Variants in ZNF618 observed in about 807,000 individuals in gnomAD.
The protein encoded by ZNF618 is zinc finger protein 618.
Under a neutral mutation model 103.0 loss-of-function variants are expected in ZNF618, and 34 were observed. The observed-to-expected ratio is 0.33, with a 90% CI of 0.25 to 0.44. ZNF618 has a LOEUF of 0.44. Ranked by LOEUF, ZNF618 falls within the 20% of genes least tolerant of loss-of-function variation. The pLI, the probability that ZNF618 is intolerant of heterozygous loss-of-function variation, is 1.00. For missense variants in ZNF618, 1,059 were observed against 1,295.4 expected, an observed-to-expected ratio of 0.82 and a Z score of 2.80; for synonymous variants, 551 against 542.2, an observed-to-expected ratio of 1.02 and a Z score of -0.23.
chr9:113,930,174 G>A (rs556497744), intron 1 of ZNF618, among the ~76,000 whole-genome samples: 2 of 152,236 alleles, frequency 1.3e-5, no homozygotes, highest in South Asian at 4.1e-4. Context: ...AAATTGCCTC[G>A]CTTCTGGAAT....
At chr9:113,948,231 G>A (rs1316599799) in intron 1 of ZNF618, among the ~76,000 whole-genome samples, 1 of 152,196 alleles carries the variant, frequency 6.6e-6, no homozygotes, top group East Asian at 1.9e-4. Context: ...GTCAACCCTG[G>A]ATGGGTAAAA....
At chr9:114,016,196 T>G in intron 9 of ZNF618, 1 of 1,610,540 alleles carries the variant, frequency 6.2e-7, no homozygotes, top group African/African-American at 1.3e-5. Flanking sequence ...CGGGTGGGAC[T>G]TGAGAGGAAG....
chr9:114,053,953 T>C lies in ZNF618; in HGVS notation c.*3786T>C, dbSNP rs1210890979. 1 of 152,312 alleles carries C rather than the reference T, an allele frequency of 6.6e-6. No individual in the cohort carries two copies. Among genetic ancestry groups the C allele is most frequent in the Non-Finnish European group, 1.5e-5 (1 of 68,024 alleles). 9.4% of individuals were successfully genotyped at this position (152,312 alleles called of 1,614,324 possible). ...GATTGGTTTTTGGCTGGAAAAAGGG[T>C]ACCAGGGTTTCCTGGCAAGGACAGG... On this transcript the variant is annotated 3_prime_UTR_variant, in exon 15 of 15. Transcript: ENST00000374126.
intron 1 of ZNF618, among the ~76,000 whole-genome samples, chr9:113,936,313 C>T (rs1834028784): frequency 6.6e-6 from 1 of 152,252 alleles, no homozygotes; most frequent in Non-Finnish European, 1.5e-5. Context: ...AACAAAAAAG[C>T]TACTCCCTGA....
intron 4 of ZNF618, among the ~76,000 whole-genome samples, chr9:114,000,630 C>T (rs1841103060): frequency 6.6e-6 from 1 of 152,186 alleles, no homozygotes; most frequent in African/African-American, 2.4e-5. Flanking sequence ...CTTCAGACTC[C>T]ATATCCAGTG....
intron 1 of ZNF618, among the ~76,000 whole-genome samples, chr9:113,942,640 C>T (rs1834656820): frequency 6.6e-6 from 1 of 152,190 alleles, no homozygotes; most frequent in South Asian, 2.1e-4. Context: ...ATCAGTGCTT[C>T]ATTTTTCCTA....
chr9:114,052,363 C>G lies in ZNF618; in HGVS notation c.*2196C>G, dbSNP rs1846188660. 6.6e-6 allele frequency: 1 copy of G among 152,604 alleles called. No individual in the cohort carries two copies. Among genetic ancestry groups the G allele is most frequent in the African/African-American group, 2.4e-5 (1 of 41,424 alleles). The allele number at this position is 152,604 out of a possible 1,614,324, so 9.5% of individuals were successfully genotyped here. The stretch of plus-strand genomic sequence containing the variant: ...TGCCATTTCCTCTCCTGGAGAAGTT[C>G]TAGGTATTACCTCCACAACATTTCC... On this transcript the variant is annotated 3_prime_UTR_variant, in exon 15 of 15. Transcript: ENST00000374126.
rs561207220 is a variant in ZNF618, at chr9:113,992,625, G to T, written c.337+4045G>T. Among the ~76,000 whole-genome samples the T allele has an allele frequency of 4.5e-4, 69 of 152,262 alleles. 1 individual carries two copies. The highest frequency in any genetic ancestry group is 3.4e-3 in the Middle Eastern group (1 of 294). ...CCAGCCTCGCTCCGGGCTCAGAGAC[G>T]GGCTCTGTTGCTGAGTAGAAGAGTG... On this transcript the variant is annotated intron_variant, in intron 3 of 14. Coordinates refer to ENST00000374126, the MANE Select transcript of ZNF618 (RefSeq NM_001318042.2).
chr9:113,956,488 A>C (rs1836309263), intron 1 of ZNF618, among the ~76,000 whole-genome samples: 1 of 152,122 alleles, frequency 6.6e-6, no homozygotes, highest in South Asian at 2.1e-4. Flanking sequence ...TTGGAACTAC[A>C]ATTCCTTTAT....
chr9:113,876,769 T>G (rs1389500333), intron 1 of ZNF618, among the ~76,000 whole-genome samples: 7 of 90,816 alleles, frequency 7.7e-5, no homozygotes, highest in South Asian at 8.3e-4. Context: ...CTCTGCCCCC[T>G]CCCCCCCAAA....
At chr9:114,018,015 G>T (rs1163636075) in intron 10 of ZNF618, among the ~76,000 whole-genome samples, 1 of 152,172 alleles carries the variant, frequency 6.6e-6, no homozygotes, top group African/African-American at 2.4e-5. Context: ...GTGACCTTGT[G>T]CCTGTTGCTT....
intron 1 of ZNF618, among the ~76,000 whole-genome samples, chr9:113,918,360 T>A (rs1484364945): frequency 6.6e-6 from 1 of 152,314 alleles, no homozygotes; most frequent in African/African-American, 2.4e-5. Flanking sequence ...CATTAATAAG[T>A]GTTTTGTGTG....
At chr9:114,006,168 T>C (rs1356658190) in intron 6 of ZNF618, among the ~76,000 whole-genome samples, 1 of 152,184 alleles carries the variant, frequency 6.6e-6, no homozygotes, top group Non-Finnish European at 1.5e-5. Context: ...CAGCGTAACC[T>C]TGTGGTAGAG....
intron 1 of ZNF618, among the ~76,000 whole-genome samples, chr9:113,877,166 T>A (rs1293070649): frequency 6.6e-6 from 1 of 152,008 alleles, no homozygotes; most frequent in African/African-American, 2.4e-5. Flanking sequence ...CCAGATAATA[T>A]GTAAATGAAA....
At chr9:114,038,053 C>T (rs1478892909) in intron 13 of ZNF618, among the ~76,000 whole-genome samples, 1 of 152,200 alleles carries the variant, frequency 6.6e-6, no homozygotes, top group African/African-American at 2.4e-5. Context: ...CAGGGAAGGC[C>T]TTGAATGCCA....
intron 10 of ZNF618, among the ~76,000 whole-genome samples, chr9:114,022,479 C>G (rs1362567079): frequency 6.6e-6 from 1 of 151,572 alleles, no homozygotes; most frequent in South Asian, 2.1e-4. Context: ...CTATTGACTT[C>G]TAACTTAATT....
intron 13 of ZNF618, among the ~76,000 whole-genome samples, chr9:114,037,773 A>C (rs1024446282): frequency 2.0e-5 from 3 of 152,138 alleles, no homozygotes; most frequent in African/African-American, 7.2e-5. Context: ...GCATATATTA[A>C]TTGGGTATCT....
At chr9:113,998,434 G>A (rs1417803831) in intron 4 of ZNF618, 80 bp downstream of exon 4, 2 of 1,308,588 alleles carry the variant, frequency 1.5e-6, no homozygotes, top group African/African-American at 2.9e-5. Context: ...ATCAGTTACA[G>A]ACCTGAGTAA....
intron 1 of ZNF618, among the ~76,000 whole-genome samples, chr9:113,932,021 G>C (rs751880127): frequency 6.6e-6 from 1 of 152,146 alleles, no homozygotes; most frequent in Non-Finnish European, 1.5e-5. Flanking sequence ...GGGGCCTGTT[G>C]TGGGCATTGG....
Sources: gnomAD v4.1 joint callset for allele counts (sites outside exome capture counted in the v4.1 genomes callset) on GRCh38, gnomAD v4.1.1 for gene constraint, MANE v1.5 for transcripts, NCBI Gene and HGNC (gene_info 2026-07-23, HGNC 2026-07-21) for gene names.